LYPD6B: variants seen among roughly 807,000 people sequenced by gnomAD.
LYPD6B encodes LY6/PLAUR domain containing 6B.
In LYPD6B, 17 loss-of-function variants were observed where a neutral mutation model predicts 22.8. The ratio of observed to expected loss-of-function variants is 0.75; its 90% CI spans 0.51 to 1.12. LYPD6B has a LOEUF of 1.12. LYPD6B is among the 50% of genes most tolerant of loss of function. The pLI is 0.00. For synonymous variants in LYPD6B, 106 were observed against 91.6 expected (o/e 1.16, Z -0.90); for missense variants, 221 against 258.3 (o/e 0.86, Z 0.99).
intron 1 of LYPD6B, among the ~76,000 whole-genome samples, chr2:149,082,844 C>T (rs1352907017): frequency 6.6e-6 from 1 of 152,202 alleles, no homozygotes; most frequent in Middle Eastern, 3.2e-3. Context: ...GCTGGAAAAG[C>T]TTGTCAGCGG....
intron 5 of LYPD6B, among the ~76,000 whole-genome samples, chr2:149,212,579 A>G (rs1693943714): frequency 6.6e-6 from 1 of 152,032 alleles, no homozygotes; most frequent in Non-Finnish European, 1.5e-5. Context: ...TAATGAAACA[A>G]CTGTTCTGAC....
intron 1 of LYPD6B, among the ~76,000 whole-genome samples, chr2:149,100,416 CAA>C (rs58068035): frequency 0.011 from 741 of 67,958 alleles, 2 homozygotes; most frequent in African/African-American, 0.038. Flanking sequence ...TTGGCTTTGA[CAA>C]AAAAAAAAAA....
chr2:149,117,520 C>G (rs938215771), intron 1 of LYPD6B, among the ~76,000 whole-genome samples: 1 of 152,158 alleles, frequency 6.6e-6, no homozygotes, highest in Non-Finnish European at 1.5e-5. Flanking sequence ...ATCAGTCCAC[C>G]TTAGCCTCCC....
At chr2:149,165,611 T>C (rs1412629130) in intron 3 of LYPD6B, among the ~76,000 whole-genome samples, 4 of 152,190 alleles carry the variant, frequency 2.6e-5, no homozygotes, top group Non-Finnish European at 5.9e-5. Context: ...ATAACTCATT[T>C]GGTCATTACA....
At chr2:149,074,010 C>T (rs1376566107) in intron 1 of LYPD6B, among the ~76,000 whole-genome samples, 1 of 152,136 alleles carries the variant, frequency 6.6e-6, no homozygotes. Context: ...AATAGAAAAT[C>T]AGAGCCCATA....
At chr2:149,081,544 A>G (rs1041681614) in intron 1 of LYPD6B, among the ~76,000 whole-genome samples, 2 of 152,116 alleles carry the variant, frequency 1.3e-5, no homozygotes, top group African/African-American at 2.4e-5. Flanking sequence ...CTCCCTTACA[A>G]CCCCATTGCC....
At chr2:149,072,531 T>TATTTTATTTTATTTC (rs1213023598) in intron 1 of LYPD6B, among the ~76,000 whole-genome samples, 2 of 126,868 alleles carry the variant, frequency 1.6e-5, no homozygotes, top group East Asian at 3.0e-4. Context: ...TATTTTATTT[T>TATTTTATTTTATTTC]ATTTCATTTT....
At chr2:149,096,802 G>C (rs182655944) in intron 1 of LYPD6B, among the ~76,000 whole-genome samples, 175 of 152,306 alleles carry the variant, frequency 1.1e-3, no homozygotes, top group Non-Finnish European at 2.1e-3. Flanking sequence ...GTCTCATCAA[G>C]AGCAGAAGGG....
chr2:149,067,490 A>G (rs1684388755), intron 1 of LYPD6B, among the ~76,000 whole-genome samples: 2 of 151,922 alleles, frequency 1.3e-5, no homozygotes, highest in South Asian at 4.1e-4. Flanking sequence ...CCCCTCTAGT[A>G]TATTTATTGA....
At chr2:149,150,079 T>C (rs957563988) in intron 2 of LYPD6B, among the ~76,000 whole-genome samples, 2 of 152,244 alleles carry the variant, frequency 1.3e-5, no homozygotes, top group African/African-American at 2.4e-5. Flanking sequence ...TTACCCAACA[T>C]GTACTGTGAT....
intron 1 of LYPD6B, among the ~76,000 whole-genome samples, chr2:149,048,822 G>A (rs1034964648): frequency 2.0e-5 from 3 of 152,010 alleles, no homozygotes; most frequent in East Asian, 1.9e-4. Flanking sequence ...TACTGGTGTC[G>A]TTTCCCTTCC....
rs548119615 is a variant in LYPD6B at position 149,083,775 on chromosome 2, C to T, written c.-67+44974C>T. Among the ~76,000 whole-genome samples, 6 of 152,148 alleles carry T rather than the reference C, an allele frequency of 3.9e-5. No individual in the cohort carries two copies. In the South Asian group the frequency reaches 6.2e-4, roughly 16 times the overall value. ...TGAGCTGATGACTAGTGGATCTTTC[C>T]GCTGTAGAAGTACACTTTAGGCCGG... is the stretch of plus-strand genomic sequence containing the variant. On this transcript the variant is annotated intron_variant, in intron 1 of 6. Transcript: ENST00000409642.
chr2:149,197,250 A>G (rs566899489), intron 3 of LYPD6B, among the ~76,000 whole-genome samples: 88 of 152,342 alleles, frequency 5.8e-4, no homozygotes, highest in African/African-American at 1.9e-3. Flanking sequence ...ACGGTGGCTC[A>G]TGCCTGTAAT....
intron 3 of LYPD6B, among the ~76,000 whole-genome samples, chr2:149,192,878 C>T (rs1173136943): frequency 6.6e-6 from 1 of 152,042 alleles, no homozygotes; most frequent in Non-Finnish European, 1.5e-5. Flanking sequence ...CAACCTCAAT[C>T]AAGCATTTAT....
intron 3 of LYPD6B, among the ~76,000 whole-genome samples, chr2:149,199,853 C>G (rs569224630): frequency 1.3e-5 from 2 of 152,288 alleles, no homozygotes; most frequent in East Asian, 1.9e-4. Flanking sequence ...AGCCTCAGTT[C>G]CCTTGCAAGG....
At chr2:149,102,492 A>G (rs951160928) in intron 1 of LYPD6B, among the ~76,000 whole-genome samples, 3 of 152,218 alleles carry the variant, frequency 2.0e-5, no homozygotes, top group Non-Finnish European at 2.9e-5. Flanking sequence ...TGCTTGTTCC[A>G]TAAGCAAAAG....
chr2:149,105,073 A>G (rs1448425111), intron 1 of LYPD6B, among the ~76,000 whole-genome samples: 1 of 152,204 alleles, frequency 6.6e-6, no homozygotes, highest in Admixed American at 6.6e-5. Flanking sequence ...GTGAATATAC[A>G]TCCAATTGCT....
intron 1 of LYPD6B, among the ~76,000 whole-genome samples, chr2:149,105,475 C>G (rs1466700794): frequency 6.6e-6 from 1 of 152,140 alleles, no homozygotes; most frequent in East Asian, 1.9e-4. Flanking sequence ...TTTAAGTTTT[C>G]TTTACGTTGT....
chr2:149,198,317 C>T lies in LYPD6B; in HGVS notation c.78-6936C>T, dbSNP rs533452754. ...TTGGCCTCCCAAAGTGCTGGGATTACAGGCATGAGCCACCGCGCCTCACTG... is the reference window on the plus strand; with the variant it reads ...TTGGCCTCCCAAAGTGCTGGGATTATAGGCATGAGCCACCGCGCCTCACTG... On this transcript the variant is annotated intron_variant, in intron 3 of 6. Transcript: ENST00000409642. Among the ~76,000 whole-genome samples, 13 of 152,260 alleles carry T rather than the reference C, an allele frequency of 8.5e-5. No individual in the cohort carries two copies. In the East Asian group the frequency reaches 2.5e-3, roughly 29 times the overall value.
Sources: gnomAD v4.1 joint callset for allele counts (sites outside exome capture counted in the v4.1 genomes callset) on GRCh38, gnomAD v4.1.1 for gene constraint, MANE v1.5 for transcripts, NCBI Gene and HGNC (gene_info 2026-07-23, HGNC 2026-07-21) for gene names.